Variants in MKX observed in about 807,000 individuals in gnomAD.
The protein encoded by MKX is mohawk homeobox, also known as homeobox protein Mohawk.
Under a neutral mutation model 36.0 loss-of-function variants are expected in MKX, and 13 were observed. That is an observed-to-expected ratio of 0.36 (90% CI 0.24 to 0.57). The LOEUF is 0.57. MKX is among the 20% of genes least tolerant of loss of function. The pLI is 0.79. For synonymous variants in MKX, 176 were observed against 178.3 expected (o/e 0.99, Z 0.10); for missense variants, 458 against 456.4 (o/e 1.00, Z -0.03).
chr10:27,682,296 T>A (rs532910622), intron 5 of MKX, among the ~76,000 whole-genome samples: 38 of 152,350 alleles, frequency 2.5e-4, no homozygotes, highest in African/African-American at 4.3e-4. Flanking sequence ...AAACTTTTTT[T>A]AAAAAGCGTA....
At position 27,743,357 on chromosome 10, in the gene MKX, G is replaced by A. The variant is rs930116223; in HGVS notation, c.59C>T (p.Ala20Val). ...CCGGCCACCCCGCTCCCGCTCCGAG[G>A]CGCCTCCGTCCTCAAACAGCACCGC... ...SGAVLFEDGGASERERGGRPY... is the reference protein window; with the variant it reads ...SGAVLFEDGGVSERERGGRPY... Residue 20 changes from alanine (A) to valine (V), a missense_variant, in exon 2 of 7, where the codon GCC becomes GTC. By Grantham distance (64) the Ala-to-Val change is moderately conservative (BLOSUM62 0). Transcript: ENST00000419761. 5 of 1,579,898 alleles carry A rather than the reference G, an allele frequency of 3.2e-6. No homozygotes were observed. In the South Asian group the frequency reaches 3.5e-5, roughly 11 times the overall value.
At chr10:27,731,441 C>G (rs1418054267) in intron 5 of MKX, among the ~76,000 whole-genome samples, 2 of 152,158 alleles carry the variant, frequency 1.3e-5, no homozygotes, top group African/African-American at 4.8e-5. Flanking sequence ...GGTAACCCAG[C>G]TACGATTGCA....
At chr10:27,685,109 G>C (rs1401626240) in intron 5 of MKX, among the ~76,000 whole-genome samples, 1 of 152,120 alleles carries the variant, frequency 6.6e-6, no homozygotes, top group Non-Finnish European at 1.5e-5. Context: ...CAAGCTGTGA[G>C]ACTCAGTGCC....
At chr10:27,725,557 T>C (rs549516082) in intron 5 of MKX, among the ~76,000 whole-genome samples, 1 of 152,116 alleles carries the variant, frequency 6.6e-6, no homozygotes, top group East Asian at 1.9e-4. Flanking sequence ...AAGCACATAT[T>C]TACCCTGTGT....
intron 5 of MKX, among the ~76,000 whole-genome samples, chr10:27,683,359 T>C (rs1425142361): frequency 6.6e-6 from 1 of 152,262 alleles, no homozygotes; most frequent in Non-Finnish European, 1.5e-5. Context: ...CTAGGAGCAA[T>C]AGGCTGCAGC....
chr10:27,684,017 T>G (rs770410953), intron 5 of MKX, among the ~76,000 whole-genome samples: 76 of 152,204 alleles, frequency 5.0e-4, no homozygotes, highest in Non-Finnish European at 8.8e-4. Flanking sequence ...TTTCTTTTTA[T>G]AAATAGCATT....
intron 3 of MKX, among the ~76,000 whole-genome samples, chr10:27,740,540 T>A (rs1415562953): frequency 6.6e-6 from 1 of 152,228 alleles, no homozygotes; most frequent in African/African-American, 2.4e-5. Context: ...TGATAGTAAC[T>A]GCCTACAACA....
At chr10:27,711,418 TTC>T (rs1836849637) in intron 5 of MKX, among the ~76,000 whole-genome samples, 1 of 149,654 alleles carries the variant, frequency 6.7e-6, no homozygotes, top group South Asian at 2.1e-4. Flanking sequence ...CCTTCTTTCT[TTC>T]TTTCTTTTCT....
intron 5 of MKX, among the ~76,000 whole-genome samples, chr10:27,713,433 G>C (rs1836907821): frequency 6.6e-6 from 1 of 152,178 alleles, no homozygotes; most frequent in Non-Finnish European, 1.5e-5. Flanking sequence ...CTGCTTTAGA[G>C]AGTTCTATTC....
At chr10:27,718,678 T>G (rs1030532250) in intron 5 of MKX, 1 of 313,420 alleles carries the variant, frequency 3.2e-6, no homozygotes, top group Non-Finnish European at 6.5e-6. Context: ...TGGACTCCAG[T>G]CACATTTCAA....
intron 5 of MKX, among the ~76,000 whole-genome samples, chr10:27,689,875 C>T (rs1313808416): frequency 6.6e-6 from 1 of 152,188 alleles, no homozygotes; most frequent in Non-Finnish European, 1.5e-5. Flanking sequence ...CCAAGGAGAA[C>T]CGGTTCTGGC....
In MKX at chr10:27,734,702, T is replaced by C. The variant is rs1399849486; in HGVS notation, c.592A>G (p.Ile198Val). ...HPVIKSENSV[I>V]KAGVRPESRA... ...GACTCTGGCCTCACTCCCGCTTTGA[T>C]GACCGAATTCTCACTTTTAATCACA... is the stretch of plus-strand genomic sequence containing the variant. Residue 198 changes from isoleucine to valine, a missense_variant, in exon 5 of 7, where the codon ATC becomes GTC. Physicochemically the swap from Ile to Val is conservative, Grantham distance 29 (BLOSUM62 3). Coordinates refer to ENST00000419761, the MANE Select transcript of MKX (RefSeq NM_173576.3). The C allele has an allele frequency of 1.9e-6, 3 of 1,614,042 alleles. No individual in the cohort carries two copies. Among genetic ancestry groups the C allele is most frequent in the African/African-American group, 1.3e-5 (1 of 74,918 alleles).
chr10:27,711,891 A>C (rs1836880011), intron 5 of MKX, among the ~76,000 whole-genome samples: 1 of 151,694 alleles, frequency 6.6e-6, no homozygotes. Flanking sequence ...ACTTTTTCTT[A>C]TAAAACAGGT....
intron 5 of MKX, among the ~76,000 whole-genome samples, chr10:27,677,235 C>T (rs548763391): frequency 6.6e-6 from 1 of 152,264 alleles, no homozygotes; most frequent in East Asian, 1.9e-4. Context: ...AACGCAAGGC[C>T]CTCTGCTAGT....
intron 5 of MKX, among the ~76,000 whole-genome samples, chr10:27,714,136 A>G (rs1836922080): frequency 6.6e-6 from 1 of 152,148 alleles, no homozygotes; most frequent in Non-Finnish European, 1.5e-5. Context: ...CAGCTCCAAA[A>G]AGCAACCAGG....
In MKX at chr10:27,744,978, G is replaced by C. The variant is rs1296240570; in HGVS notation, c.-83+729C>G. 1 of 152,274 alleles carries C rather than the reference G, an allele frequency of 6.6e-6. No homozygotes were observed. The highest frequency in any genetic ancestry group is 1.9e-4 in the East Asian group (1 of 5,176). 9.4% of individuals were successfully genotyped at this position (152,274 alleles called of 1,614,324 possible). A position where few individuals can be genotyped will look rare whatever the true frequency, so the allele number is the denominator to read the frequency against. ...GTGCCTGGGGTGTGCACATAGCCTC[G>C]GTGATAAGTGTCAAAGAGAATTTTC... On this transcript the variant is annotated intron_variant, in intron 1 of 6. Coordinates refer to ENST00000419761, the MANE Select transcript of MKX (RefSeq NM_173576.3). This position sits in a 1 kb window ranked among gnomAD's most constrained non-coding sequence, Gnocchi z 5.6.
At chr10:27,678,104 C>A (rs1306186037) in intron 5 of MKX, among the ~76,000 whole-genome samples, 1 of 152,202 alleles carries the variant, frequency 6.6e-6, no homozygotes, top group Non-Finnish European at 1.5e-5. Flanking sequence ...AATTTATTTA[C>A]TACTACTGAC....
intron 5 of MKX, among the ~76,000 whole-genome samples, chr10:27,692,529 C>G (rs984212487): frequency 3.3e-5 from 5 of 152,168 alleles, no homozygotes; most frequent in African/African-American, 1.2e-4. Flanking sequence ...ACATGTGGCC[C>G]AGTGCAAAAT....
In MKX at chr10:27,744,886, G is replaced by A. The variant is rs1462636245; in HGVS notation, c.-83+821C>T. ...GGCTACGGTCTGTGTTCGTAGGGAA[G>A]TGAAGTCAGACCTCTGCTGGATGTC... On this transcript the variant is annotated intron_variant, in intron 1 of 6. Transcript: ENST00000419761. This position sits in a 1 kb window ranked among gnomAD's most constrained non-coding sequence, Gnocchi z 5.6. 1 of 152,338 alleles carries A rather than the reference G, an allele frequency of 6.6e-6. No homozygotes were observed. Among genetic ancestry groups the A allele is most frequent in the Non-Finnish European group, 1.5e-5 (1 of 68,170 alleles). The allele number at this position is 152,338 out of a possible 1,614,324, so 9.4% of individuals were successfully genotyped here.
Sources: allele counts gnomAD v4.1 joint callset (sites outside exome capture counted in the v4.1 genomes callset), GRCh38; gene constraint gnomAD v4.1.1; non-coding constraint Gnocchi (gnomAD v3.1); transcripts MANE v1.5; gene names NCBI Gene and HGNC (gene_info 2026-07-23, HGNC 2026-07-21).